Variants in MCC observed in about 807,000 individuals in gnomAD.
The protein encoded by MCC is MCC regulator of Wnt signaling pathway.
Under a neutral mutation model 116.2 loss-of-function variants are expected in MCC, and 90 were observed. The ratio of observed to expected loss-of-function variants is 0.77; its 90% confidence interval spans 0.65 to 0.92. The LOEUF (loss-of-function observed/expected upper bound fraction) is 0.92. MCC is among the 40% of genes least tolerant of loss of function. MCC has a pLI of 0.00. For synonymous variants in MCC, 578 were observed against 510.5 expected, an observed-to-expected ratio of 1.13 and a Z score of -1.78; for missense variants, 1,516 against 1,312.2, an observed-to-expected ratio of 1.16 and a Z score of -2.40.
chr5:113,393,824 A>G (rs1187426320), intron 1 of MCC, among the ~76,000 whole-genome samples: 1 of 152,120 alleles, frequency 6.6e-6, no homozygotes, highest in Non-Finnish European at 1.5e-5. Context: ...CAGTCTGTTA[A>G]ACTCTGTCTT....
In MCC at chr5:113,340,901, G is replaced by A. The variant is rs142827726; in HGVS notation, c.416-171C>T. ...CTTTCTCTTTCAAACTGACACATGG[G>A]GAGCCTGGAGATAAAAGCAATTTCA... On this transcript the variant is annotated intron_variant, in intron 2 of 18. Coordinates refer to ENST00000408903, the MANE Select transcript of MCC (RefSeq NM_001085377.2). Among the ~76,000 whole-genome samples the A allele has an allele frequency of 2.4e-3, 373 of 152,256 alleles. 1 individual carries two copies. Among genetic ancestry groups the A allele is most frequent in the Middle Eastern group, 6.8e-3 (2 of 294 alleles).
At chr5:113,095,604 T>G (rs904096171) in intron 8 of MCC, among the ~76,000 whole-genome samples, 1 of 152,040 alleles carries the variant, frequency 6.6e-6, no homozygotes, top group Non-Finnish European at 1.5e-5. Context: ...ACTGCAGACT[T>G]GATCACCTGG....
chr5:113,157,244 TCTC>T (rs1350009415), intron 3 of MCC, among the ~76,000 whole-genome samples: 7 of 152,158 alleles, frequency 4.6e-5, no homozygotes, highest in Non-Finnish European at 2.9e-5. Context: ...CCAGGCACCA[TCTC>T]CTCTGACCTT....
At chr5:113,079,930 G>A (rs1323056746) in intron 11 of MCC, among the ~76,000 whole-genome samples, 5 of 152,090 alleles carry the variant, frequency 3.3e-5, no homozygotes, top group Non-Finnish European at 7.4e-5. Context: ...CTAATATCCA[G>A]AATCTATAAA....
intron 3 of MCC, among the ~76,000 whole-genome samples, chr5:113,238,411 G>A (rs564282143): frequency 2.0e-5 from 3 of 152,000 alleles, no homozygotes; most frequent in Non-Finnish European, 4.4e-5. Context: ...TTTCCTATTT[G>A]GCAATTATAC....
intron 3 of MCC, among the ~76,000 whole-genome samples, chr5:113,235,512 A>G (rs1284959033): frequency 6.6e-6 from 1 of 152,244 alleles, no homozygotes; most frequent in African/African-American, 2.4e-5. Context: ...TGGGAATGAA[A>G]AAGATCCAAC....
intron 3 of MCC, among the ~76,000 whole-genome samples, chr5:113,216,613 A>T (rs1763327424): frequency 1.3e-5 from 2 of 152,348 alleles, no homozygotes; most frequent in Admixed American, 1.3e-4. Flanking sequence ...AGGTATTTTT[A>T]AAATAACTAT....
chr5:113,204,009 C>T (rs187530809), intron 3 of MCC, among the ~76,000 whole-genome samples: 85 of 152,310 alleles, frequency 5.6e-4, no homozygotes, highest in Admixed American at 3.2e-3. Context: ...CCCCTATTTT[C>T]CGTCCTTCCT....
intron 3 of MCC, among the ~76,000 whole-genome samples, chr5:113,187,766 AAAAAAG>A (rs1761968407): frequency 1.3e-5 from 2 of 151,756 alleles, no homozygotes; most frequent in African/African-American, 4.8e-5. Flanking sequence ...AAAAAAAAAA[AAAAAAG>A]AAAGAAAGAA....
At chr5:113,173,129 T>A (rs993707850) in intron 3 of MCC, among the ~76,000 whole-genome samples, 1 of 152,200 alleles carries the variant, frequency 6.6e-6, no homozygotes, top group African/African-American at 2.4e-5. Context: ...TTTTATCACA[T>A]CTGTATGTTT....
At chr5:113,211,661 A>G (rs927574007) in intron 3 of MCC, among the ~76,000 whole-genome samples, 3 of 152,218 alleles carry the variant, frequency 2.0e-5, no homozygotes, top group Non-Finnish European at 4.4e-5. Context: ...ATGTTTATAT[A>G]AATAGCAGAA....
chr5:113,381,202 C>A lies in MCC; in HGVS notation c.415+3766G>T, dbSNP rs374190393. 2.7e-4 allele frequency among the ~76,000 whole-genome samples: 41 copies of A among 152,118 alleles called. No homozygotes were observed. The South Asian group carries it at 8.3e-3, about 31-fold the overall frequency. ...CAGATTCTGGCTATACTTTTGCACG[C>A]GAGACAGTGGGACTTGCCAGCTTGA... On this transcript the variant is annotated intron_variant, in intron 2 of 18. Transcript: ENST00000408903.
At position 113,036,861 on chromosome 5, in the gene MCC, G is replaced by A. The variant is rs527419626; in HGVS notation, c.2756+6669C>T. On this transcript the variant is annotated intron_variant, in intron 17 of 18. Transcript: ENST00000408903. ...GAGTGAGCCTCAGTCTTCACCCTCT[G>A]TGCTTCTAGGCACTTGGCTCTGGGG... Among the ~76,000 whole-genome samples the A allele has an allele frequency of 1.5e-3, 232 of 152,298 alleles. 1 individual carries two copies. Among genetic ancestry groups the A allele is most frequent in the African/African-American group, 5.4e-3 (224 of 41,572 alleles).
intron 11 of MCC, among the ~76,000 whole-genome samples, chr5:113,079,594 T>G (rs1241935062): frequency 6.6e-6 from 1 of 152,238 alleles, no homozygotes; most frequent in African/African-American, 2.4e-5. Flanking sequence ...CTGGGAAAAC[T>G]GGCTAGCCAT....
intron 6 of MCC, among the ~76,000 whole-genome samples, chr5:113,114,637 G>C (rs1490831350): frequency 6.6e-6 from 1 of 152,156 alleles, no homozygotes; most frequent in African/African-American, 2.4e-5. Context: ...GCAGAGAAGG[G>C]AAGAAGAGGA....
intron 3 of MCC, among the ~76,000 whole-genome samples, chr5:113,298,830 G>T (rs918329684): frequency 2.0e-5 from 3 of 152,322 alleles, no homozygotes. Context: ...CTTTGTAATT[G>T]TGAAGGGGAA....
chr5:113,112,335 T>C (rs1581087241), intron 6 of MCC, among the ~76,000 whole-genome samples: 1 of 152,142 alleles, frequency 6.6e-6, no homozygotes, highest in African/African-American at 2.4e-5. Context: ...GACTGGATCA[T>C]GGGGGCAGAC....
intron 2 of MCC, among the ~76,000 whole-genome samples, chr5:113,362,123 T>C (rs563745843): frequency 3.1e-4 from 47 of 152,366 alleles, no homozygotes; most frequent in African/African-American, 1.1e-3. Flanking sequence ...CCCTGACTAA[T>C]ACAATGTTCC....
chr5:113,073,217 T>C (rs1292585628), intron 11 of MCC, among the ~76,000 whole-genome samples: 1 of 152,200 alleles, frequency 6.6e-6, no homozygotes, highest in East Asian at 1.9e-4. Flanking sequence ...CTGAGGATCT[T>C]TTTTGAGACC....
Sources: allele counts gnomAD v4.1 joint callset (sites outside exome capture counted in the v4.1 genomes callset), GRCh38; gene constraint gnomAD v4.1.1; transcripts MANE v1.5; gene names NCBI Gene and HGNC (gene_info 2026-07-23, HGNC 2026-07-21).